PCDHA10: variants seen among roughly 807,000 people sequenced by gnomAD.
The protein encoded by PCDHA10 is protocadherin alpha 10.
In PCDHA10, 45 loss-of-function variants were observed where a neutral mutation model predicts 61.2. The observed-to-expected ratio is 0.74, with a 90% confidence interval of 0.58 to 0.94. The LOEUF (loss-of-function observed/expected upper bound fraction) is 0.94. Among genes scored for constraint, PCDHA10 ranks in the 40% least tolerant of loss-of-function variants. The pLI is 0.00. For missense variants in PCDHA10, 1,278 were observed against 1,236.2 expected (o/e 1.03, Z -0.51); for synonymous variants, 602 against 548.8 (o/e 1.10, Z -1.35).
intron 1 of PCDHA10, among the ~76,000 whole-genome samples, chr5:140,873,191 C>G (rs1554166611): frequency 6.6e-6 from 1 of 151,960 alleles, no homozygotes; most frequent in Non-Finnish European, 1.5e-5. Flanking sequence ...TATTCATTGG[C>G]TAAAAACATT....
In PCDHA10 at chr5:140,871,387, G is replaced by A. The variant is rs372339362; in HGVS notation, c.2388+12951G>A. Reference sequence around the variant, plus strand: ...GCGGCAGAGGGTGTGCTCTGAGGAGGGCCCACCTAAGACGGACCTCATGGC... The same window carrying A: ...GCGGCAGAGGGTGTGCTCTGAGGAGAGCCCACCTAAGACGGACCTCATGGC... On this transcript the variant is annotated intron_variant, in intron 1 of 3. Coordinates refer to ENST00000307360, the MANE Select transcript of PCDHA10 (RefSeq NM_018901.4). 87 of 1,614,172 alleles carry A rather than the reference G, an allele frequency of 5.4e-5. No homozygotes were observed. The African/African-American group carries it at 1.0e-3, about 19-fold the overall frequency.
intron 1 of PCDHA10, among the ~76,000 whole-genome samples, chr5:140,879,397 G>A (rs973374921): frequency 6.6e-6 from 1 of 152,188 alleles, no homozygotes; most frequent in Non-Finnish European, 1.5e-5. Context: ...AACAGTTTGT[G>A]TGTATTTGAG....
At chr5:140,979,399 G>T (rs1352440599) in intron 2 of PCDHA10, among the ~76,000 whole-genome samples, 1 of 151,708 alleles carries the variant, frequency 6.6e-6, no homozygotes. Flanking sequence ...CATACATGTT[G>T]TCTACCTTGT....
At chr5:140,944,746 A>G (rs1009788923) in intron 1 of PCDHA10, among the ~76,000 whole-genome samples, 6 of 152,214 alleles carry the variant, frequency 3.9e-5, no homozygotes, top group African/African-American at 1.4e-4. Context: ...GAGCATTTAC[A>G]TGGAAAAAAT....
chr5:140,875,695 C>T (rs782520558), intron 1 of PCDHA10: 4 of 1,613,962 alleles, frequency 2.5e-6, no homozygotes, highest in East Asian at 2.2e-5. Context: ...CGGGGACCTT[C>T]TGGAGGTAAA....
chr5:140,958,799 C>T (rs889190378), intron 1 of PCDHA10, among the ~76,000 whole-genome samples: 3 of 152,104 alleles, frequency 2.0e-5, no homozygotes, highest in African/African-American at 7.2e-5. Context: ...AGTAAATTAT[C>T]ACACCATTCT....
intron 1 of PCDHA10, chr5:140,883,741 C>T (rs2153397240): frequency 6.2e-7 from 1 of 1,613,386 alleles, no homozygotes; most frequent in Non-Finnish European, 8.5e-7. Context: ...CGCTGGTCTC[C>T]TACTCGCTGG....
intron 1 of PCDHA10, chr5:140,927,810 G>A: frequency 2.5e-6 from 4 of 1,614,200 alleles, no homozygotes; most frequent in Non-Finnish European, 3.4e-6. Flanking sequence ...AAACGCTCTT[G>A]GAGGCATACA....
At chr5:140,981,458 C>T (rs1465511355) in intron 2 of PCDHA10, among the ~76,000 whole-genome samples, 5 of 152,134 alleles carry the variant, frequency 3.3e-5, no homozygotes, top group African/African-American at 4.8e-5. Flanking sequence ...CCTGTAGTCC[C>T]AGCTACTTGG....
chr5:140,871,419 C>T, intron 1 of PCDHA10: 1 of 1,613,732 alleles, frequency 6.2e-7, no homozygotes, highest in South Asian at 1.1e-5. Flanking sequence ...TGGCCTTCAG[C>T]CCCAGTCTTC....
At chr5:140,875,262 C>A in intron 1 of PCDHA10, 1 of 1,157,366 alleles carries the variant, frequency 8.6e-7, no homozygotes, top group African/African-American at 1.6e-5. Flanking sequence ...CATGATGTCG[C>A]TCTACACTCA....
intron 1 of PCDHA10, among the ~76,000 whole-genome samples, chr5:140,910,513 A>G (rs1293675976): frequency 2.0e-5 from 3 of 152,184 alleles, no homozygotes; most frequent in Non-Finnish European, 4.4e-5. Flanking sequence ...CTCTTCAAGG[A>G]TGCAGGTACT....
At chr5:140,993,509 CGGGGAGAG>C (rs2097568152) in intron 3 of PCDHA10, among the ~76,000 whole-genome samples, 1 of 143,490 alleles carries the variant, frequency 7.0e-6, no homozygotes, top group Non-Finnish European at 1.5e-5. Flanking sequence ...CACACACACA[CGGGGAGAG>C]AGAGACAGAG....
At chr5:140,877,127 A>G (rs2056869003) in intron 1 of PCDHA10, 1 of 1,613,602 alleles carries the variant, frequency 6.2e-7, no homozygotes, top group African/African-American at 1.3e-5. Flanking sequence ...GTGACGCTGC[A>G]GGTGTTCGTG....
chr5:140,875,443 G>A, intron 1 of PCDHA10: 1 of 1,580,070 alleles, frequency 6.3e-7, no homozygotes. Flanking sequence ...AAAACTGATT[G>A]TCCCAACTCA....
chr5:140,877,531 G>C, intron 1 of PCDHA10: 1 of 1,613,792 alleles, frequency 6.2e-7, no homozygotes, highest in Non-Finnish European at 8.5e-7. Context: ...AGTGGGCGCT[G>C]TGGATCCCGA....
At chr5:140,862,980 C>T in intron 1 of PCDHA10, 1 of 545,508 alleles carries the variant, frequency 1.8e-6, no homozygotes, top group South Asian at 1.4e-5. Flanking sequence ...CACTTGGTGG[C>T]GAAGGTGCGC....
chr5:140,985,946 A>G (rs1265124776), intron 3 of PCDHA10, among the ~76,000 whole-genome samples: 1 of 151,962 alleles, frequency 6.6e-6, no homozygotes, highest in Non-Finnish European at 1.5e-5. Flanking sequence ...TCACTGTGTT[A>G]GCCAGGATGG....
At chr5:140,959,373 CA>C (rs1243465116) in intron 1 of PCDHA10, among the ~76,000 whole-genome samples, 26 of 145,126 alleles carry the variant, frequency 1.8e-4, no homozygotes, top group South Asian at 2.2e-4. Flanking sequence ...GACCCTGTCT[CA>C]AAAAAAAAAG....
Sources: gnomAD v4.1 joint callset for allele counts (sites outside exome capture counted in the v4.1 genomes callset) on GRCh38, gnomAD v4.1.1 for gene constraint, MANE v1.5 for transcripts, NCBI Gene and HGNC (gene_info 2026-07-23, HGNC 2026-07-21) for gene names.